The following RAI14 variants were observed in gnomAD, a reference collection of about 807,000 sequenced individuals.
RAI14 encodes retinoic acid induced 14.
RAI14 carries 45 observed loss-of-function variants against 115.4 expected under a neutral mutation model. The observed-to-expected ratio is 0.39, with a 90% CI of 0.31 to 0.50. The LOEUF is 0.50. Ranked by LOEUF, RAI14 falls within the 20% of genes least tolerant of loss-of-function variation. The pLI is 0.85. For synonymous variants in RAI14, 371 were observed against 415.4 expected, an observed-to-expected ratio of 0.89 and a Z score of 1.30; for missense variants, 939 against 1,131.2, an observed-to-expected ratio of 0.83 and a Z score of 2.44.
At chr5:34,817,473 C>T in intron 12 of RAI14, among the ~76,000 whole-genome samples, 1 of 151,864 alleles carries the variant, frequency 6.6e-6, no homozygotes, top group Admixed American at 6.6e-5. Flanking sequence ...AATATATGAT[C>T]CAGCCATCCA....
chr5:34,730,131 C>G (rs914721417), intron 2 of RAI14, among the ~76,000 whole-genome samples: 1 of 152,098 alleles, frequency 6.6e-6, no homozygotes, highest in African/African-American at 2.4e-5. Context: ...ATTATCCACT[C>G]TATTTTTGGA....
At chr5:34,708,138 A>G (rs2149953145) in intron 2 of RAI14, among the ~76,000 whole-genome samples, 1 of 152,298 alleles carries the variant, frequency 6.6e-6, no homozygotes, top group Middle Eastern at 3.4e-3. Context: ...ATAAAGATAT[A>G]ATTTAATATA....
In RAI14 at chr5:34,760,341, A is replaced by T. The variant is rs183380037; in HGVS notation, c.167+2743A>T. ...GGATTACAGGTATGGAGTGCTTTTTAAAAATATTGATGCCATGTTGATCAG... is the reference window on the plus strand; with the variant it reads ...GGATTACAGGTATGGAGTGCTTTTTTAAAATATTGATGCCATGTTGATCAG... On this transcript the variant is annotated intron_variant, in intron 3 of 17. Transcript: ENST00000265109. Among the ~76,000 whole-genome samples, 27 of 152,236 alleles carry T rather than the reference A, an allele frequency of 1.8e-4. 1 individual carries two copies. Among genetic ancestry groups the T allele is most frequent in the African/African-American group, 5.5e-4 (23 of 41,534 alleles).
chr5:34,763,438 C>T (rs1748947485), intron 3 of RAI14, among the ~76,000 whole-genome samples: 1 of 152,188 alleles, frequency 6.6e-6, no homozygotes, highest in Non-Finnish European at 1.5e-5. Context: ...TGCTTTGAGT[C>T]ATTTTTGAAG....
intron 4 of RAI14, among the ~76,000 whole-genome samples, chr5:34,798,170 A>G (rs1753760741): frequency 6.6e-6 from 1 of 152,014 alleles, no homozygotes; most frequent in African/African-American, 2.4e-5. Flanking sequence ...TGAGTAACTC[A>G]GATTACAGGC....
intron 4 of RAI14, among the ~76,000 whole-genome samples, chr5:34,801,884 A>T (rs1373424069): frequency 6.6e-6 from 1 of 152,048 alleles, no homozygotes; most frequent in Non-Finnish European, 1.5e-5. Flanking sequence ...TAGCCTGGGC[A>T]ACATAGCAAG....
At chr5:34,812,309 A>C in intron 10 of RAI14, 101 bp downstream of exon 10, 1 of 1,039,438 alleles carries the variant, frequency 9.6e-7, no homozygotes, top group East Asian at 2.4e-5. Flanking sequence ...AGTAATAAAG[A>C]CTATATTGAA....
At chr5:34,657,544 A>AG (rs1304473897) in intron 1 of RAI14, among the ~76,000 whole-genome samples, 1 of 152,114 alleles carries the variant, frequency 6.6e-6, no homozygotes, top group African/African-American at 2.4e-5. Flanking sequence ...AGAAATGTTG[A>AG]GGGGAATCTG....
At position 34,807,692 on chromosome 5, in the gene RAI14, T is replaced by C. The variant is rs1359885047; in HGVS notation, c.322-108T>C. 3 of 874,430 alleles carry C rather than the reference T, an allele frequency of 3.4e-6. No homozygotes were observed. In the East Asian group the frequency reaches 7.4e-5, roughly 21 times the overall value. 54.2% of individuals were successfully genotyped at this position (874,430 alleles called of 1,614,324 possible). On this transcript the variant is annotated intron_variant, in intron 5 of 17. Coordinates refer to ENST00000265109, the MANE Select transcript of RAI14 (RefSeq NM_015577.3). ...CACAGCAGCTGGGGCTTATTTATGT[T>C]AATAGTCTTCCTAATAAGTCACATC...
At chr5:34,665,198 T>TATATATATACACAC (rs369742853) in intron 1 of RAI14, among the ~76,000 whole-genome samples, 5,446 of 75,746 alleles carry the variant, frequency 0.072, 1,932 homozygotes, top group Non-Finnish European at 0.1. Context: ...TGTATATATA[T>TATATATATACACAC]ACACACACCA....
At chr5:34,797,503 G>A (rs1753687863) in intron 4 of RAI14, among the ~76,000 whole-genome samples, 1 of 152,004 alleles carries the variant, frequency 6.6e-6, no homozygotes, top group Non-Finnish European at 1.5e-5. Context: ...GGTGAATGAT[G>A]TTTCAAACTG....
At chr5:34,755,195 G>A (rs1398429612) in intron 2 of RAI14, among the ~76,000 whole-genome samples, 1 of 151,858 alleles carries the variant, frequency 6.6e-6, no homozygotes, top group Non-Finnish European at 1.5e-5. Flanking sequence ...GTTAAGTTAC[G>A]CTTTCTATTC....
intron 2 of RAI14, among the ~76,000 whole-genome samples, chr5:34,711,691 C>T (rs958378060): frequency 6.6e-6 from 1 of 152,164 alleles, no homozygotes; most frequent in African/African-American, 2.4e-5. Context: ...AAGAAGACAG[C>T]TGTCTATGAA....
intron 3 of RAI14, among the ~76,000 whole-genome samples, chr5:34,777,283 C>A (rs1750982460): frequency 6.6e-6 from 1 of 151,998 alleles, no homozygotes; most frequent in South Asian, 2.1e-4. Context: ...AATCAATGGA[C>A]CAATAAATAG....
chr5:34,702,576 T>A (rs1740209177), intron 2 of RAI14, among the ~76,000 whole-genome samples: 1 of 152,216 alleles, frequency 6.6e-6, no homozygotes, highest in Admixed American at 6.5e-5. Context: ...GTTACCTTAA[T>A]CAAGCCCATT....
chr5:34,766,543 G>T (rs1158654773), intron 3 of RAI14, among the ~76,000 whole-genome samples: 1 of 152,286 alleles, frequency 6.6e-6, no homozygotes, highest in Admixed American at 6.5e-5. Flanking sequence ...TTTGGAATGG[G>T]TGTAATTGCC....
intron 7 of RAI14, among the ~76,000 whole-genome samples, chr5:34,808,971 A>G (rs896405234): frequency 6.6e-6 from 1 of 152,132 alleles, no homozygotes; most frequent in Non-Finnish European, 1.5e-5. Flanking sequence ...CTCGCCTGCC[A>G]CTTACTCCCC....
chr5:34,701,644 A>G (rs1410530199), intron 2 of RAI14, among the ~76,000 whole-genome samples: 1 of 152,152 alleles, frequency 6.6e-6, no homozygotes, highest in Non-Finnish European at 1.5e-5. Context: ...TATTTCTTAA[A>G]TGTATTTGAT....
chr5:34,725,877 G>A (rs75992376), intron 2 of RAI14, among the ~76,000 whole-genome samples: 5 of 148,386 alleles, frequency 3.4e-5, no homozygotes, highest in African/African-American at 5.0e-5. Flanking sequence ...CAGGAGAATC[G>A]CTTGAATCTG....
Sources: allele counts gnomAD v4.1 joint callset (sites outside exome capture counted in the v4.1 genomes callset), GRCh38; gene constraint gnomAD v4.1.1; transcripts MANE v1.5; gene names NCBI Gene and HGNC (gene_info 2026-07-23, HGNC 2026-07-21).